C8B: variants seen among roughly 807,000 people sequenced by gnomAD.
C8B encodes the protein complement component C8 beta chain.
Under a neutral mutation model 64.6 loss-of-function variants are expected in C8B, and 67 were observed. The observed-to-expected ratio is 1.04, with a 90% confidence interval of 0.85 to 1.27. C8B has a LOEUF of 1.27. C8B is among the 50% of genes most tolerant of loss of function. The probability of loss-of-function intolerance (pLI) is 0.00; values close to 1 mark genes in which losing one functional copy is unlikely to be tolerated. For missense variants in C8B, 790 were observed against 725.2 expected (o/e 1.09, Z -1.03); for synonymous variants, 284 against 257.7 (o/e 1.10, Z -0.98).
At chr1:56,961,918 G>T (rs2101469551) in intron 1 of C8B, among the ~76,000 whole-genome samples, 1 of 152,260 alleles carries the variant, frequency 6.6e-6, no homozygotes, top group East Asian at 1.9e-4. Flanking sequence ...ACACCAGTGG[G>T]GGGCTTCAGA....
rs763511845 is a variant in C8B, at chr1:56,943,703, T to A, written c.1227A>T (p.Glu409Asp). ...CAAGCCCCTGTCACTCACCTTTTAT[T>A]TCATTCAGAATACCTCTGCATTTGC... Reference protein sequence around the residue: ...SVGKCRGILNEIKDRNKRDTM... With the variant: ...SVGKCRGILNDIKDRNKRDTM... Residue 409 changes from glutamate to aspartate, a missense_variant, in exon 8 of 12, where the codon GAA (glutamate) becomes GAT (aspartate). Physicochemically the swap from Glu to Asp is conservative, Grantham distance 45 (BLOSUM62 2). Transcript: ENST00000371237. The A allele has an allele frequency of 6.2e-7, 1 of 1,614,110 alleles. No homozygotes were observed. Among genetic ancestry groups the A allele is most frequent in the South Asian group, 1.1e-5 (1 of 91,080 alleles).
At chr1:56,961,661 C>T (rs1019936920) in intron 1 of C8B, among the ~76,000 whole-genome samples, 4 of 152,146 alleles carry the variant, frequency 2.6e-5, no homozygotes, top group African/African-American at 7.2e-5. Flanking sequence ...AGAAGAGCAT[C>T]ACGTAGTTTT....
At chr1:56,951,413 G>A (rs188357250) in intron 5 of C8B, among the ~76,000 whole-genome samples, 1 of 152,278 alleles carries the variant, frequency 6.6e-6, no homozygotes, top group African/African-American at 2.4e-5. Flanking sequence ...GTTCCCATCG[G>A]ATCTCAAGTG....
At chr1:56,948,079 G>A (rs1031584948) in intron 6 of C8B, among the ~76,000 whole-genome samples, 1 of 152,196 alleles carries the variant, frequency 6.6e-6, no homozygotes, top group Non-Finnish European at 1.5e-5. Context: ...CTATCTCTAG[G>A]ATAGTGCCTG....
intron 3 of C8B, among the ~76,000 whole-genome samples, chr1:56,955,800 A>T (rs1393581462): frequency 6.6e-6 from 1 of 152,230 alleles, no homozygotes; most frequent in Admixed American, 6.5e-5. Context: ...TTCTTGAAAG[A>T]TCCCCATGCA....
chr1:56,953,157 G>A (rs1238907553), intron 4 of C8B, among the ~76,000 whole-genome samples: 4 of 152,046 alleles, frequency 2.6e-5, no homozygotes, highest in Admixed American at 2.6e-4. Context: ...GACATTATTT[G>A]TAACTGCCTC....
intron 7 of C8B, among the ~76,000 whole-genome samples, chr1:56,944,077 A>AG (rs1429443339): frequency 1.3e-5 from 2 of 152,144 alleles, no homozygotes; most frequent in Non-Finnish European, 2.9e-5. Context: ...ACTTTGAAAG[A>AG]GGGGAAGTGC....
At chr1:56,935,548 C>T (rs1644764339) in intron 9 of C8B, among the ~76,000 whole-genome samples, 2 of 152,226 alleles carry the variant, frequency 1.3e-5, no homozygotes, top group African/African-American at 4.8e-5. Flanking sequence ...AAACTCTACA[C>T]AAGTTTCCAT....
intron 6 of C8B, among the ~76,000 whole-genome samples, chr1:56,949,024 A>G (rs1644982507): frequency 6.6e-6 from 1 of 150,986 alleles, no homozygotes; most frequent in African/African-American, 2.4e-5. Flanking sequence ...TTTTTTTGAG[A>G]AGATTTCAAG....
intron 9 of C8B, 110 bp downstream of exon 9, chr1:56,940,739 A>G: frequency 8.0e-7 from 1 of 1,250,476 alleles, no homozygotes; most frequent in East Asian, 2.3e-5. Flanking sequence ...GTGTCCCAAA[A>G]TTAGGGCCTG....
intron 9 of C8B, among the ~76,000 whole-genome samples, chr1:56,935,295 C>T (rs1644760261): frequency 6.6e-6 from 1 of 152,200 alleles, no homozygotes; most frequent in Admixed American, 6.5e-5. Context: ...CCTTTTTAAA[C>T]TTAATATAGC....
In C8B at chr1:56,945,681, G is replaced by T. The variant is rs1644929938; in HGVS notation, c.1105+140C>A. The T allele has an allele frequency of 2.8e-6, 3 of 1,074,952 alleles. No individual in the cohort carries two copies. In the East Asian group the frequency reaches 7.1e-5, roughly 26 times the overall value. 66.6% of individuals were successfully genotyped at this position (1,074,952 alleles called of 1,614,324 possible). On this transcript the variant is annotated intron_variant, in intron 7 of 11. Transcript: ENST00000371237. ...AGCTAGGCAGAGGAGGACTGACATT[G>T]TCAATCAAAAAGAAGAGGAAGAGGA...
rs1178869412 is a variant in C8B, at chr1:56,933,503, G to A, written c.1399-15C>T. ...AGAGGCTCCACCTGGAAAGGGAAAA[G>A]GGCATTTATTTCAAGAGAAAAACAT... is the stretch of plus-strand genomic sequence containing the variant. On this transcript the variant is annotated splice_polypyrimidine_tract_variant and intron_variant, in intron 9 of 11. Transcript: ENST00000371237. The A allele has an allele frequency of 2.5e-6, 4 of 1,610,956 alleles. No homozygotes were observed. Among genetic ancestry groups the A allele is most frequent in the Non-Finnish European group, 3.4e-6 (4 of 1,177,308 alleles).
Position 56,956,781 on chromosome 1 carries a change from A to T in C8B, c.379T>A (p.Cys127Ser). 6.2e-7 allele frequency: 1 copy of T among 1,614,006 alleles called. No individual in the cohort carries two copies. Among genetic ancestry groups the T allele is most frequent in the Non-Finnish European group, 8.5e-7 (1 of 1,179,972 alleles). ...CATTGATTTATACCTGTCTGTGCAC[A>T]CACAAAGCCTTCACATCGCACTTGA... ...GSQVRCEGFVCAQTGRCVNRR... is the reference protein window; with the variant it reads ...GSQVRCEGFVSAQTGRCVNRR... The change falls in exon 3 of 12, where the codon TGT (cysteine) becomes AGT (serine). Residue 127 changes from cysteine to serine, a missense_variant. Cys to Ser is a moderately radical substitution (Grantham distance 112). Coordinates refer to ENST00000371237, the MANE Select transcript of C8B (RefSeq NM_000066.4).
chr1:56,935,290 T>TA (rs1557727647), intron 9 of C8B, among the ~76,000 whole-genome samples: 1 of 152,226 alleles, frequency 6.6e-6, no homozygotes, highest in African/African-American at 2.4e-5. Flanking sequence ...AATTTCCTTT[T>TA]TAAACTTAAT....
In C8B at chr1:56,960,113, C is replaced by G; in HGVS notation, c.156G>C (p.Gln52His). 1 of 1,614,168 alleles carries G rather than the reference C, an allele frequency of 6.2e-7. No individual in the cohort carries two copies. The highest frequency in any genetic ancestry group is 8.5e-7 in the Non-Finnish European group (1 of 1,180,026). ...AVNKSFAKSR[Q>H]MRSVDVTLMP... ...TCAGGGTAACATCCACACTCCGCAT[C>G]TGTCTGCTCTTAGCAAAGCTCTTGT... is the stretch of plus-strand genomic sequence containing the variant. The change falls in exon 2 of 12, where the codon CAG becomes CAC. Residue 52 changes from glutamine (Q) to histidine (H), a missense_variant. Coordinates refer to ENST00000371237, the MANE Select transcript of C8B (RefSeq NM_000066.4).
At chr1:56,943,210 A>G (rs1314316569) in intron 8 of C8B, among the ~76,000 whole-genome samples, 1 of 152,254 alleles carries the variant, frequency 6.6e-6, no homozygotes, top group Non-Finnish European at 1.5e-5. Context: ...GTCAAATAGA[A>G]AAAGCACACC....
intron 1 of C8B, among the ~76,000 whole-genome samples, chr1:56,960,459 C>T (rs952547333): frequency 3.9e-5 from 6 of 152,156 alleles, no homozygotes; most frequent in African/African-American, 1.4e-4. Flanking sequence ...AACATTATGG[C>T]TAGAGAAACA....
chr1:56,929,475 T>A lies in C8B; in HGVS notation c.1705A>T (p.Asn569Tyr). 1.2e-6 allele frequency: 2 copies of A among 1,613,406 alleles called. No homozygotes were observed. Among genetic ancestry groups the A allele is most frequent in the South Asian group, 1.1e-5 (1 of 91,048 alleles). The change falls in exon 12 of 12, where the codon AAC (asparagine) becomes TAC (tyrosine). Residue 569 changes from asparagine (N) to tyrosine (Y), a missense_variant. Physicochemically the swap from Asn to Tyr is moderately radical, Grantham distance 143. Coordinates refer to ENST00000371237, the MANE Select transcript of C8B (RefSeq NM_000066.4). ...CCCCCATTTTGAGGAGGTGGATTGT[T>A]ACACTGCCTTTGTCTTGTCTTACGT... ...GRRKTRQRQC[N>Y]NPPPQNGGSP...
Sources: allele counts gnomAD v4.1 joint callset (sites outside exome capture counted in the v4.1 genomes callset), GRCh38; gene constraint gnomAD v4.1.1; transcripts MANE v1.5; gene names NCBI Gene and HGNC (gene_info 2026-07-23, HGNC 2026-07-21).